BIRC6: variants seen among roughly 807,000 people sequenced by gnomAD.
BIRC6 encodes the protein baculoviral IAP repeat containing 6.
In BIRC6, 98 loss-of-function variants were observed where a neutral mutation model predicts 503.3. The observed-to-expected ratio is 0.19, with a 90% CI of 0.17 to 0.23. BIRC6 has a LOEUF of 0.23. Ranked by LOEUF, BIRC6 falls within the 10% of genes least tolerant of loss-of-function variation. BIRC6 has a pLI of 1.00. For synonymous variants in BIRC6, 2,240 were observed against 2,078.7 expected (o/e 1.08, Z -2.11); for missense variants, 5,360 against 5,806.0 (o/e 0.92, Z 2.50).
At chr2:32,407,655 A>T (rs2041389590) in intron 9 of BIRC6, among the ~76,000 whole-genome samples, 1 of 152,084 alleles carries the variant, frequency 6.6e-6, no homozygotes, top group Non-Finnish European at 1.5e-5. Context: ...ATTATAGTTA[A>T]CATTTGGTAG....
intron 38 of BIRC6, among the ~76,000 whole-genome samples, chr2:32,481,908 A>G (rs2050446163): frequency 6.6e-6 from 1 of 152,254 alleles, no homozygotes; most frequent in African/African-American, 2.4e-5. Context: ...TGAAATTGCT[A>G]TAGGTACTAC....
chr2:32,554,357 A>G (rs1218100234), intron 65 of BIRC6, among the ~76,000 whole-genome samples: 1 of 152,196 alleles, frequency 6.6e-6, no homozygotes, highest in African/African-American at 2.4e-5. Flanking sequence ...AGATTAGAAA[A>G]GAACAAATGA....
At position 32,468,059 on chromosome 2, in the gene BIRC6, A is replaced by G. The variant is rs1572439671; in HGVS notation, c.5728A>G (p.Ile1910Val). 3 of 1,613,914 alleles carry G rather than the reference A, an allele frequency of 1.9e-6. No homozygotes were observed. Among genetic ancestry groups the G allele is most frequent in the South Asian group, 1.1e-5 (1 of 91,066 alleles). Reference sequence around the variant, plus strand: ...GGGAGAATCTGCAAACCAGCCAGAAATTGACCAGCATTTAGCAATGATGGT... The same window carrying G: ...GGGAGAATCTGCAAACCAGCCAGAAGTTGACCAGCATTTAGCAATGATGGT... ...GEGESANQPEIDQHLAMMVAL... is the reference protein window; with the variant it reads ...GEGESANQPEVDQHLAMMVAL... Residue 1910 changes from isoleucine to valine, a missense_variant, in exon 28 of 74, where the codon ATT (isoleucine) becomes GTT (valine). Coordinates refer to ENST00000421745, the MANE Select transcript of BIRC6 (RefSeq NM_016252.4).
rs761555825 is a variant in BIRC6, at chr2:32,453,881, A to G, written c.4692A>G (p.Glu1564=). Residue 1564 remains glutamate, a synonymous_variant, in exon 23 of 74, where the codon GAA becomes GAG. Transcript: ENST00000421745. ...CTCTCACTGGACTTTTGGAAGTTGA[A>G]CCTCTGCACTTTACTTGTGTGTCAA... The part of the protein sequence containing the change: ...FTSLTGLLEV[E]PLHFTCVSTS... The G allele has an allele frequency of 1.2e-6, 2 of 1,613,602 alleles. No individual in the cohort carries two copies. The highest frequency in any genetic ancestry group is 3.3e-5 in the Admixed American group (2 of 60,020).
intron 25 of BIRC6, 107 bp from the exon 26 acceptor site, chr2:32,464,958 A>G (rs969185020): frequency 7.5e-6 from 10 of 1,329,114 alleles, no homozygotes; most frequent in African/African-American, 3.0e-5. Context: ...ATTACAGTAC[A>G]TACATTAAGA....
intron 10 of BIRC6, among the ~76,000 whole-genome samples, chr2:32,425,914 T>A (rs1171859979): frequency 1.3e-5 from 2 of 152,228 alleles, no homozygotes; most frequent in Non-Finnish European, 2.9e-5. Context: ...ATGTGCCACT[T>A]TCCCCCACAG....
chr2:32,390,901 G>A (rs1270897352), intron 4 of BIRC6, among the ~76,000 whole-genome samples: 1 of 152,144 alleles, frequency 6.6e-6, no homozygotes, highest in African/African-American at 2.4e-5. Context: ...TAACAATTGG[G>A]CAGAATTTTT....
intron 53 of BIRC6, among the ~76,000 whole-genome samples, chr2:32,511,256 CTAATGTCATTCTACCT>C (rs1156972047): frequency 2.6e-5 from 2 of 77,020 alleles, no homozygotes; most frequent in Non-Finnish European, 4.7e-5. Context: ...ATGAGTTGTC[CTAATGTCATTCTACCT>C]TGATGTCTTC....
At chr2:32,476,076 A>G (rs993883050) in intron 33 of BIRC6, 137 bp from the exon 34 acceptor site, 1 of 617,562 alleles carries the variant, frequency 1.6e-6, no homozygotes, top group African/African-American at 1.9e-5. Flanking sequence ...AAAAATTATC[A>G]TCACAGTTAA....
chr2:32,603,714 ACT>A (rs1012246062), intron 71 of BIRC6, among the ~76,000 whole-genome samples: 9 of 152,038 alleles, frequency 5.9e-5, no homozygotes, highest in African/African-American at 2.2e-4. Context: ...ACAGAGGGAG[ACT>A]CTATCTAAAA....
chr2:32,558,020 T>G (rs558496082), intron 65 of BIRC6: 2 of 152,194 alleles, frequency 1.3e-5, no homozygotes, highest in East Asian at 3.9e-4. Flanking sequence ...TACTAGAAAA[T>G]GTATTTACTA....
intron 10 of BIRC6, among the ~76,000 whole-genome samples, chr2:32,417,968 C>G (rs890934383): frequency 4.6e-5 from 7 of 151,964 alleles, no homozygotes; most frequent in African/African-American, 1.5e-4. Flanking sequence ...TTAGTAGTGA[C>G]GAGGTTTCAC....
intron 1 of BIRC6, among the ~76,000 whole-genome samples, chr2:32,376,823 A>G (rs962434749): frequency 2.0e-5 from 3 of 152,220 alleles, no homozygotes; most frequent in Non-Finnish European, 2.9e-5. Flanking sequence ...CAATTACAAT[A>G]TATTAGGAGT....
At chr2:32,463,480 TTGAC>T (rs1295230039) in intron 24 of BIRC6, 99 bp downstream of exon 24, 2 of 1,214,286 alleles carry the variant, frequency 1.6e-6, no homozygotes, top group Non-Finnish European at 2.2e-6. Context: ...GAAACGTAGG[TTGAC>T]TGATCTGAGC....
intron 26 of BIRC6, among the ~76,000 whole-genome samples, chr2:32,465,385 T>A (rs1310133652): frequency 3.0e-4 from 45 of 152,066 alleles, no homozygotes; most frequent in African/African-American, 1.1e-3. Flanking sequence ...GGATTTGATC[T>A]ATATATGAAT....
intron 65 of BIRC6, among the ~76,000 whole-genome samples, chr2:32,554,874 A>G (rs913598634): frequency 6.6e-6 from 1 of 152,080 alleles, no homozygotes; most frequent in Non-Finnish European, 1.5e-5. Flanking sequence ...AAATATGACC[A>G]TATTTATTAA....
At chr2:32,597,641 G>T (rs1319610338) in intron 68 of BIRC6, 110 bp from the exon 69 acceptor site, 2 of 757,584 alleles carry the variant, frequency 2.6e-6, no homozygotes, top group Non-Finnish European at 4.4e-6. Context: ...TTCTTCCATG[G>T]TTGGAAGTTC....
rs200405729 is a variant in BIRC6 at position 32,375,480 on chromosome 2, AAAAC to A, written c.326-2096_326-2093del. On this transcript the variant is annotated intron_variant, in intron 1 of 73. Coordinates refer to ENST00000421745, the MANE Select transcript of BIRC6 (RefSeq NM_016252.4). ...AACGTAACGAGACCCTGTCTCTAAA[AAAAC>A]AAACAAACAAAAAAAACCCCCAAAA... 3.2e-4 allele frequency among the ~76,000 whole-genome samples: 48 copies of A among 152,090 alleles called. No homozygotes were observed. The East Asian group carries it at 7.0e-3, about 22-fold the overall frequency.
chr2:32,401,060 T>G, intron 6 of BIRC6, 103 bp from the exon 7 acceptor site: 1 of 958,998 alleles, frequency 1.0e-6, no homozygotes. Flanking sequence ...ATGAATACTT[T>G]AAGTTCAGTT....
Sources: gnomAD v4.1 joint callset for allele counts (sites outside exome capture counted in the v4.1 genomes callset) on GRCh38, gnomAD v4.1.1 for gene constraint, MANE v1.5 for transcripts, NCBI Gene and HGNC (gene_info 2026-07-23, HGNC 2026-07-21) for gene names.